Variants in ZNF565 observed in about 807,000 individuals in gnomAD.
ZNF565 encodes the protein zinc finger protein 565.
ZNF565 carries 27 observed loss-of-function variants against 39.4 expected under a neutral mutation model. That is an observed-to-expected ratio of 0.69 (90% CI 0.51 to 0.95). The LOEUF (loss-of-function observed/expected upper bound fraction) is 0.95. Ranked by LOEUF, ZNF565 falls within the 40% of genes least tolerant of loss-of-function variation. The pLI, the probability that ZNF565 is intolerant of heterozygous loss-of-function variation, is 0.00. For synonymous variants in ZNF565, 185 were observed against 216.6 expected, an observed-to-expected ratio of 0.85 and a Z score of 1.28; for missense variants, 524 against 621.1, an observed-to-expected ratio of 0.84 and a Z score of 1.66.
chr19:36,182,811 A>G lies in ZNF565; in HGVS notation c.1155T>C (p.His385=). Reference sequence around the variant, plus strand: ...TACATTCATAGGGTCTGTCGCCAGTATGGACTCTCTGATGTCGTGTGAGCT... The same window carrying G: ...TACATTCATAGGGTCTGTCGCCAGTGTGGACTCTCTGATGTCGTGTGAGCT... The part of the protein sequence containing the change: ...HAQLTRHQRV[H]TGDRPYECKD... Residue 385 remains histidine (H), a synonymous_variant, in exon 5 of 5, where the codon CAT becomes CAC. Transcript: ENST00000304116. 3 of 1,613,790 alleles carry G rather than the reference A, an allele frequency of 1.9e-6. No homozygotes were observed. Among genetic ancestry groups the G allele is most frequent in the Non-Finnish European group, 2.5e-6 (3 of 1,179,964 alleles).
intron 1 of ZNF565, among the ~76,000 whole-genome samples, chr19:36,240,187 C>A (rs1977774527): frequency 6.6e-6 from 1 of 152,192 alleles, no homozygotes; most frequent in African/African-American, 2.4e-5. Context: ...AAATATACAA[C>A]AATTTTAAAA....
chr19:36,195,402 T>G (rs979447988), intron 2 of ZNF565, among the ~76,000 whole-genome samples: 25 of 151,822 alleles, frequency 1.6e-4, no homozygotes, highest in Non-Finnish European at 5.9e-5. Context: ...ACAGATACTT[T>G]AGTATCCAAC....
intron 1 of ZNF565, among the ~76,000 whole-genome samples, chr19:36,208,450 T>C (rs562579622): frequency 6.6e-6 from 1 of 152,238 alleles, no homozygotes; most frequent in Admixed American, 6.6e-5. Flanking sequence ...TCCTCCCACT[T>C]CAGCCTCCTA....
At chr19:36,220,428 G>A (rs1486347629) in intron 1 of ZNF565, among the ~76,000 whole-genome samples, 1 of 151,438 alleles carries the variant, frequency 6.6e-6, no homozygotes. Flanking sequence ...GCAGTGGCAC[G>A]ATCTCAGCTC....
At position 36,195,031 on chromosome 19, in the gene ZNF565, T is replaced by C; in HGVS notation, c.135A>G (p.Leu45=). ...TLENFGHLAS[L]GLSISKPDVV... is the part of the protein sequence containing the mutation. ...GCCCGTGTGATACAATCTCCTTACC[T>C]AGTGAGGCCAAGTGACCAAAGTTCT... The change falls in exon 3 of 5, where the codon CTA becomes CTG. Residue 45 remains leucine, a splice_region_variant and synonymous_variant. Coordinates refer to ENST00000304116, the MANE Select transcript of ZNF565 (RefSeq NM_152477.5). The C allele has an allele frequency of 2.5e-6, 4 of 1,614,108 alleles. No individual in the cohort carries two copies. In the South Asian group the frequency reaches 4.4e-5, roughly 18 times the overall value.
Position 36,245,390 on chromosome 19 carries a change from C to G in ZNF565, c.55+86G>C. The G allele has an allele frequency of 1.4e-6, 1 of 697,056 alleles. No individual in the cohort carries two copies. 43.2% of individuals were successfully genotyped at this position (697,056 alleles called of 1,614,324 possible). On this transcript the variant is annotated intron_variant, in intron 1 of 4. Transcript: ENST00000355114. The surrounding 1 kb of genome is among the most constrained non-coding windows in gnomAD (Gnocchi z 4.4). ...GGGCTCGAAGGGAGGACAGTCACTG[C>G]GACCCGGAAAGCTCCGCGCTTACGA...
intron 1 of ZNF565, among the ~76,000 whole-genome samples, chr19:36,225,599 T>TACC (rs990762951): frequency 2.6e-5 from 4 of 151,880 alleles, no homozygotes; most frequent in Non-Finnish European, 2.9e-5. Context: ...TACAGGTGCA[T>TACC]ACCACCATAC....
In ZNF565 at chr19:36,208,399, T is replaced by A. The variant is rs150991372; in HGVS notation, c.-66+6223A>T. ...ATTTTTTGTAAAGACAGGGTCTCAA[T>A]ATGTTGCCCAGTCTGGTCTTGAACT... On this transcript the variant is annotated intron_variant, in intron 1 of 4. Coordinates refer to ENST00000304116, the MANE Select transcript of ZNF565 (RefSeq NM_152477.5). Among the ~76,000 whole-genome samples, 482 of 152,030 alleles carry A rather than the reference T, an allele frequency of 3.2e-3. 3 individuals are homozygous for A. The highest frequency in any genetic ancestry group is 5.5e-3 in the Non-Finnish European group (373 of 67,976).
chr19:36,188,036 G>A (rs1363486570), intron 4 of ZNF565, among the ~76,000 whole-genome samples: 1 of 151,448 alleles, frequency 6.6e-6, no homozygotes, highest in Admixed American at 6.6e-5. Context: ...TCAGAAATAG[G>A]CCAAGATGAT....
intron 1 of ZNF565, among the ~76,000 whole-genome samples, chr19:36,233,295 A>ATT (rs1977473686): frequency 6.6e-6 from 1 of 152,110 alleles, no homozygotes; most frequent in African/African-American, 2.4e-5. Context: ...TTCAAGAATC[A>ATT]CTTGAAGCCA....
intron 1 of ZNF565, among the ~76,000 whole-genome samples, chr19:36,221,778 T>G (rs975939736): frequency 6.6e-6 from 1 of 152,086 alleles, no homozygotes; most frequent in Non-Finnish European, 1.5e-5. Flanking sequence ...AAGTGGGTTT[T>G]TTGTTTTTTG....
In ZNF565 at chr19:36,182,570, G is replaced by A; in HGVS notation, c.1396C>T (p.Gln466Ter). ...FIRSSQLTEH[Q>*]RIHPGIKPYE... Reference sequence around the variant, plus strand: ...GGTTTGATACCAGGATGAATTCTCTGATGTTCGGTAAGTTGTGAACTACGA... The same window carrying A: ...GGTTTGATACCAGGATGAATTCTCTAATGTTCGGTAAGTTGTGAACTACGA... The change falls in exon 5 of 5, where the codon CAG (glutamine) becomes TAG (stop). Residue 466 changes from glutamine to a stop codon, truncating the protein, a stop_gained. Transcript: ENST00000304116. LOFTEE classifies it high-confidence loss of function. 2.5e-6 allele frequency: 4 copies of A among 1,614,008 alleles called. No homozygotes were observed. Among genetic ancestry groups the A allele is most frequent in the East Asian group, 2.2e-5 (1 of 44,874 alleles).
At chr19:36,210,086 G>C (rs928171533) in intron 1 of ZNF565, among the ~76,000 whole-genome samples, 1 of 151,208 alleles carries the variant, frequency 6.6e-6, no homozygotes, top group Non-Finnish European at 1.5e-5. Context: ...AAATAGTGAG[G>C]CCCTTGTCTC....
At chr19:36,194,725 A>C (rs1336963253) in intron 3 of ZNF565, 7 of 516,536 alleles carry the variant, frequency 1.4e-5, no homozygotes, top group East Asian at 7.4e-5. Flanking sequence ...TAAGGACTGC[A>C]TTACCCATGC....
chr19:36,234,207 G>A (rs1439701375), intron 1 of ZNF565, among the ~76,000 whole-genome samples: 2 of 152,166 alleles, frequency 1.3e-5, no homozygotes, highest in African/African-American at 4.8e-5. Flanking sequence ...TGGGGGTAGG[G>A]TTACAGATTA....
At chr19:36,225,509 T>C (rs1189174857) in intron 1 of ZNF565, among the ~76,000 whole-genome samples, 3 of 151,420 alleles carry the variant, frequency 2.0e-5, no homozygotes, top group African/African-American at 7.3e-5. Context: ...GATTCTTACT[T>C]TTTTTTTTCT....
intron 4 of ZNF565, among the ~76,000 whole-genome samples, chr19:36,189,139 C>T (rs1975429558): frequency 1.3e-5 from 2 of 151,390 alleles, no homozygotes; most frequent in African/African-American, 4.8e-5. Context: ...GAATTATCTA[C>T]TTAGCCAGGC....
chr19:36,183,514 T>C lies in ZNF565; in HGVS notation c.452A>G (p.His151Arg). 1 of 1,614,228 alleles carries C rather than the reference T, an allele frequency of 6.2e-7. No individual in the cohort carries two copies. The highest frequency in any genetic ancestry group is 1.1e-5 in the South Asian group (1 of 91,084). Residue 151 changes from histidine (H) to arginine (R), a missense_variant, in exon 5 of 5, where the codon CAC becomes CGC. By Grantham distance (29) the His-to-Arg change is conservative. Coordinates refer to ENST00000304116, the MANE Select transcript of ZNF565 (RefSeq NM_152477.5). ...GCTCTGACGTACAGTGTGAGACGTG[T>C]GATGCTGGAACACGGGCATATGTCC... The part of the protein sequence containing the change: ...TYGHMPVFQH[H>R]TSHTVRQSRE...
intron 1 of ZNF565, 62 bp downstream of exon 1, chr19:36,214,560 C>G (rs1247301086): frequency 6.5e-6 from 1 of 153,356 alleles, no homozygotes; most frequent in African/African-American, 2.4e-5. Context: ...CTCCCGCCTG[C>G]GCGCACAGAT....
Sources: gnomAD v4.1 joint callset for allele counts (sites outside exome capture counted in the v4.1 genomes callset) on GRCh38, gnomAD v4.1.1 for gene constraint, Gnocchi (gnomAD v3.1) non-coding constraint, MANE v1.5 for transcripts, NCBI Gene and HGNC (gene_info 2026-07-23, HGNC 2026-07-21) for gene names.